PANK2: variants seen among roughly 807,000 people sequenced by gnomAD.
PANK2 encodes the protein pantothenate kinase 2, also known as pantothenate kinase 2, mitochondrial.
Under a neutral mutation model 43.1 loss-of-function variants are expected in PANK2, and 36 were observed. The observed-to-expected ratio is 0.84, with a 90% CI of 0.64 to 1.10. PANK2 has a LOEUF of 1.10. PANK2 is among the 50% of genes least tolerant of loss of function. PANK2 has a pLI of 0.00. For missense variants in PANK2, 576 were observed against 593.3 expected (o/e 0.97, Z 0.30); for synonymous variants, 281 against 238.2 (o/e 1.18, Z -1.66).
intron 1 of PANK2, among the ~76,000 whole-genome samples, chr20:3,897,181 C>G (rs555614154): frequency 6.6e-6 from 1 of 152,130 alleles, no homozygotes; most frequent in African/African-American, 2.4e-5. Flanking sequence ...AGAGGAAAAA[C>G]TTTGTTTTTC....
intron 1 of PANK2, among the ~76,000 whole-genome samples, chr20:3,892,508 C>T (rs962698642): frequency 6.6e-6 from 1 of 151,774 alleles, no homozygotes; most frequent in Admixed American, 6.6e-5. Flanking sequence ...AACCCTATCT[C>T]TACTAAAAAT....
intron 1 of PANK2, 119 bp downstream of exon 1, chr20:3,889,847 C>T (rs756340015): frequency 2.0e-6 from 3 of 1,530,948 alleles, no homozygotes; most frequent in Non-Finnish European, 2.6e-6. Context: ...GCACGGTGGT[C>T]CCTCGTTGGT....
At chr20:3,898,663 T>G (rs373015664) in intron 1 of PANK2, among the ~76,000 whole-genome samples, 2 of 152,258 alleles carry the variant, frequency 1.3e-5, no homozygotes, top group East Asian at 1.9e-4. Context: ...GTTAATAGTT[T>G]AAAAATTTCA....
intron 4 of PANK2, among the ~76,000 whole-genome samples, chr20:3,916,662 C>A (rs2090564606): frequency 6.6e-6 from 1 of 152,154 alleles, no homozygotes; most frequent in Admixed American, 6.5e-5. Flanking sequence ...TGATGAGATT[C>A]TAACTGAATA....
In PANK2 at chr20:3,917,065, ATTTC is replaced by A. The variant is rs1023051785; in HGVS notation, c.1206+19_1206+22del. On this transcript the variant is annotated intron_variant, in intron 5 of 6. Coordinates refer to ENST00000610179, the MANE Select transcript of PANK2 (RefSeq NM_001386393.1). ...CCCTTAATGAAGTAAGGGGACATGG[ATTTC>A]TTTAATTGCTCTAAGGAAAATACTG... 17 of 1,613,778 alleles carry A rather than the reference ATTTC, an allele frequency of 1.1e-5. No individual in the cohort carries two copies. Among genetic ancestry groups the A allele is most frequent in the Non-Finnish European group, 1.4e-5 (17 of 1,179,858 alleles).
chr20:3,898,015 A>T (rs13044027), intron 1 of PANK2, among the ~76,000 whole-genome samples: 131,538 of 151,928 alleles, frequency 0.87, 57,009 homozygotes, highest in Admixed American at 0.92. Flanking sequence ...AAAAAAAAAA[A>T]CCTCTTGGTT....
intron 1 of PANK2, among the ~76,000 whole-genome samples, chr20:3,893,533 A>T (rs191647972): frequency 6.6e-6 from 1 of 152,248 alleles, no homozygotes; most frequent in Non-Finnish European, 1.5e-5. Flanking sequence ...GAAGGTGTGG[A>T]AGCCCTGTGA....
chr20:3,901,193 AC>A (rs1214371932), intron 1 of PANK2, among the ~76,000 whole-genome samples: 1 of 150,632 alleles, frequency 6.6e-6, no homozygotes, highest in Non-Finnish European at 1.5e-5. Flanking sequence ...AGTAGCTGGG[AC>A]TACAGGTGCA....
intron 1 of PANK2, among the ~76,000 whole-genome samples, chr20:3,905,651 A>G (rs1453828923): frequency 6.7e-6 from 1 of 149,496 alleles, no homozygotes; most frequent in Admixed American, 6.7e-5. Context: ...CCGGCCTGCT[A>G]TCTCTTCTTG....
At chr20:3,905,829 C>T (rs2090377800) in intron 1 of PANK2, among the ~76,000 whole-genome samples, 1 of 150,718 alleles carries the variant, frequency 6.6e-6, no homozygotes, top group Non-Finnish European at 1.5e-5. Flanking sequence ...AATTCTCCTG[C>T]CTCAGCCTCC....
At chr20:3,921,352 T>G (rs935393937) in intron 6 of PANK2, 2 of 152,222 alleles carry the variant, frequency 1.3e-5, no homozygotes, top group African/African-American at 4.8e-5. Flanking sequence ...TAACTTTTGT[T>G]GTGAAAGCTT....
At chr20:3,921,049 A>G (rs1223481307) in intron 6 of PANK2, among the ~76,000 whole-genome samples, 2 of 151,938 alleles carry the variant, frequency 1.3e-5, no homozygotes, top group African/African-American at 4.8e-5. Context: ...AACTTTGATG[A>G]TTATTTTATT....
At chr20:3,901,194 C>T (rs1270913990) in intron 1 of PANK2, among the ~76,000 whole-genome samples, 1 of 150,822 alleles carries the variant, frequency 6.6e-6, no homozygotes, top group African/African-American at 2.4e-5. Flanking sequence ...GTAGCTGGGA[C>T]TACAGGTGCA....
Position 3,927,194 on chromosome 20 carries a change from G to A in PANK2, c.*3900G>A, listed in dbSNP as rs981764897. On this transcript the variant is annotated 3_prime_UTR_variant, in exon 7 of 7. Transcript: ENST00000610179. Reference sequence around the variant, plus strand: ...CAGGGGCTTCCATCACAATCACTCAGTACTAGTTACCAGCTCTGATAGAAT... The same window carrying A: ...CAGGGGCTTCCATCACAATCACTCAATACTAGTTACCAGCTCTGATAGAAT... 1.2e-4 allele frequency: 18 copies of A among 152,184 alleles called. No homozygotes were observed. Among genetic ancestry groups the A allele is most frequent in the African/African-American group, 3.4e-4 (14 of 41,438 alleles). The allele number at this position is 152,184 out of a possible 1,614,324, so 9.4% of individuals were successfully genotyped here. A position where few individuals can be genotyped will look rare whatever the true frequency, so the allele number is the denominator to read the frequency against.
At chr20:3,903,013 A>C (rs372392839) in intron 1 of PANK2, among the ~76,000 whole-genome samples, 1 of 126,542 alleles carries the variant, frequency 7.9e-6, no homozygotes, top group African/African-American at 2.9e-5. Context: ...ACACACACAC[A>C]CACACCCCTT....
intron 1 of PANK2, among the ~76,000 whole-genome samples, chr20:3,892,747 A>G (rs2090145187): frequency 6.6e-6 from 1 of 150,730 alleles, no homozygotes; most frequent in Non-Finnish European, 1.5e-5. Flanking sequence ...ACTAGTTGTC[A>G]TTTGAAAGTC....
upstream of PANK2, chr20:3,889,059 G>T (rs1047868081): frequency 3.1e-5 from 46 of 1,477,812 alleles, no homozygotes; most frequent in Admixed American, 1.3e-4. Flanking sequence ...CGGCCCGGGG[G>T]GGCAGAGGCA....
rs544239478 is a variant in PANK2 at position 3,889,403 on chromosome 20, C to G, written c.-28C>G. The G allele has an allele frequency of 3.8e-6, 6 of 1,572,444 alleles. No homozygotes were observed. The highest frequency in any genetic ancestry group is 1.3e-5 in the African/African-American group (1 of 74,136). On this transcript the variant is annotated 5_prime_UTR_variant, in exon 1 of 7. Coordinates refer to ENST00000610179, the MANE Select transcript of PANK2 (RefSeq NM_001386393.1). ...CGCGCCTCTGCTCTGGCTGGACTGC[C>G]GCGGAGGAGGCGAGAAGGAATCCGA...
At position 3,926,648 on chromosome 20, in the gene PANK2, C is replaced by T. The variant is rs1300632902; in HGVS notation, c.*3354C>T. The stretch of plus-strand genomic sequence containing the variant: ...GCCTGTGGAGGAAACAGGCTCAGTT[C>T]CACTACTTTGGCCAGGTGCAATGGC... On this transcript the variant is annotated 3_prime_UTR_variant, in exon 7 of 7. Coordinates refer to ENST00000610179, the MANE Select transcript of PANK2 (RefSeq NM_001386393.1). 1.3e-5 allele frequency: 2 copies of T among 152,480 alleles called. No homozygotes were observed. The highest frequency in any genetic ancestry group is 2.9e-5 in the Non-Finnish European group (2 of 68,346). The allele number at this position is 152,480 out of a possible 1,614,324, so 9.4% of individuals were successfully genotyped here.
Sources: allele counts gnomAD v4.1 joint callset (sites outside exome capture counted in the v4.1 genomes callset), GRCh38; gene constraint gnomAD v4.1.1; transcripts MANE v1.5; gene names NCBI Gene and HGNC (gene_info 2026-07-23, HGNC 2026-07-21).